ERC2: variants seen among roughly 807,000 people sequenced by gnomAD.
The protein encoded by ERC2 is ELKS/RAB6-interacting/CAST family member 2.
In ERC2, 42 loss-of-function variants were observed where a neutral mutation model predicts 114.8. That is an observed-to-expected ratio of 0.37 (90% CI 0.29 to 0.47). The LOEUF is 0.47. Among genes scored for constraint, ERC2 ranks in the 20% least tolerant of loss-of-function variants. The pLI, the probability that ERC2 is intolerant of heterozygous loss-of-function variation, is 0.99. For missense variants in ERC2, 939 were observed against 1,150.7 expected (o/e 0.82, Z 2.66); for synonymous variants, 454 against 425.5 (o/e 1.07, Z -0.82).
intron 17 of ERC2, among the ~76,000 whole-genome samples, chr3:55,564,606 C>G (rs2056245210): frequency 1.3e-5 from 2 of 152,220 alleles, no homozygotes; most frequent in African/African-American, 4.8e-5. Context: ...CAGATGGACA[C>G]ACAGCTATTA....
intron 1 of ERC2, among the ~76,000 whole-genome samples, chr3:56,439,882 C>A (rs990464542): frequency 2.0e-5 from 3 of 151,840 alleles, no homozygotes; most frequent in African/African-American, 4.8e-5. Flanking sequence ...TTTGTAAATA[C>A]CTTGCTGTTT....
At chr3:56,088,422 T>C (rs1457099793) in intron 6 of ERC2, among the ~76,000 whole-genome samples, 1 of 152,076 alleles carries the variant, frequency 6.6e-6, no homozygotes, top group Admixed American at 6.6e-5. Flanking sequence ...TTTCTATATA[T>C]AGGACCTTCA....
chr3:55,600,764 C>T (rs1370863212), intron 17 of ERC2, among the ~76,000 whole-genome samples: 2 of 152,192 alleles, frequency 1.3e-5, no homozygotes, highest in African/African-American at 2.4e-5. Context: ...CAGTGCAGGC[C>T]TTTGGAAGTT....
intron 2 of ERC2, among the ~76,000 whole-genome samples, chr3:56,422,156 G>C (rs1194869902): frequency 6.6e-6 from 1 of 152,096 alleles, no homozygotes; most frequent in South Asian, 2.1e-4. Flanking sequence ...AGGCCAGCGA[G>C]GTACTCTGAA....
chr3:56,276,798 A>C (rs1027160734), intron 3 of ERC2, among the ~76,000 whole-genome samples: 1 of 152,146 alleles, frequency 6.6e-6, no homozygotes, highest in Non-Finnish European at 1.5e-5. Context: ...GCCACACATA[A>C]AACATATTAA....
intron 17 of ERC2, among the ~76,000 whole-genome samples, chr3:55,675,934 T>TTTTTTTTTTTTTTTTTA (rs2061785530): frequency 9.0e-6 from 1 of 111,608 alleles, no homozygotes; most frequent in Non-Finnish European, 1.8e-5. Flanking sequence ...TTTTTTTTTT[T>TTTTTTTTTTTTTTTTTA]TTTGAGAGAG....
At chr3:56,448,579 A>C (rs1209752202) in intron 1 of ERC2, among the ~76,000 whole-genome samples, 1 of 152,164 alleles carries the variant, frequency 6.6e-6, no homozygotes, top group Non-Finnish European at 1.5e-5. Context: ...ACTCTGCAGC[A>C]TGCAAGCTAG....
At chr3:55,638,714 T>C (rs1217223629) in intron 17 of ERC2, among the ~76,000 whole-genome samples, 5 of 152,206 alleles carry the variant, frequency 3.3e-5, no homozygotes, top group Non-Finnish European at 7.3e-5. Context: ...TTTTATGTTG[T>C]TGGCTGGTTA....
At chr3:55,780,109 T>A (rs1394779476) in intron 14 of ERC2, among the ~76,000 whole-genome samples, 1 of 152,146 alleles carries the variant, frequency 6.6e-6, no homozygotes, top group African/African-American at 2.4e-5. Context: ...AACATTCCCA[T>A]GAAATCCAGA....
intron 3 of ERC2, among the ~76,000 whole-genome samples, chr3:56,255,128 C>A (rs1342441275): frequency 1.3e-5 from 2 of 152,224 alleles, no homozygotes; most frequent in Non-Finnish European, 2.9e-5. Context: ...TTTGTTCACA[C>A]CTGTCCCTGA....
At chr3:55,784,621 CCTTT>C (rs1216780711) in intron 14 of ERC2, among the ~76,000 whole-genome samples, 2 of 152,164 alleles carry the variant, frequency 1.3e-5, no homozygotes, top group Non-Finnish European at 2.9e-5. Context: ...CTTTCTTCTT[CCTTT>C]ATGTTTTGTC....
chr3:55,954,081 T>TTAAAAAAA (rs1390720369), intron 12 of ERC2, among the ~76,000 whole-genome samples: 6 of 50,360 alleles, frequency 1.2e-4, no homozygotes, highest in African/African-American at 5.1e-4. Flanking sequence ...CTCCATTATT[T>TTAAAAAAA]AAAAAAAAAA....
At chr3:55,605,141 G>A (rs941258723) in intron 17 of ERC2, among the ~76,000 whole-genome samples, 8 of 151,540 alleles carry the variant, frequency 5.3e-5, no homozygotes, top group South Asian at 4.2e-4. Context: ...TTTTTGAGAC[G>A]GTCTCACTCT....
intron 14 of ERC2, among the ~76,000 whole-genome samples, chr3:55,781,798 GGATGTGGAGGTT>G (rs1179549163): frequency 1.3e-5 from 2 of 151,282 alleles, no homozygotes; most frequent in Non-Finnish European, 2.9e-5. Context: ...ATTGAACCCA[GGATGTGGAGGTT>G]GCAGTGAGCC....
intron 3 of ERC2, among the ~76,000 whole-genome samples, chr3:56,256,506 A>G (rs1299809030): frequency 1.3e-5 from 2 of 152,010 alleles, no homozygotes; most frequent in Admixed American, 1.3e-4. Flanking sequence ...AAACTTCATA[A>G]TTTATCTTTT....
At chr3:55,869,734 C>T (rs142061007) in intron 14 of ERC2, among the ~76,000 whole-genome samples, 77 of 152,246 alleles carry the variant, frequency 5.1e-4, no homozygotes, top group African/African-American at 1.8e-3. Flanking sequence ...AGAGTGTGAG[C>T]TCGACTAGGC....
At chr3:55,838,577 C>T (rs1224229305) in intron 14 of ERC2, among the ~76,000 whole-genome samples, 1 of 151,696 alleles carries the variant, frequency 6.6e-6, no homozygotes, top group Non-Finnish European at 1.5e-5. Flanking sequence ...ATTAATAGCA[C>T]TAAATGTTTT....
At chr3:56,164,356 T>G (rs191322578) in intron 4 of ERC2, among the ~76,000 whole-genome samples, 1 of 152,182 alleles carries the variant, frequency 6.6e-6, no homozygotes, top group East Asian at 1.9e-4. Flanking sequence ...TATGTGGCCT[T>G]TTCTGACTGA....
intron 3 of ERC2, among the ~76,000 whole-genome samples, chr3:56,229,181 G>A (rs2150171342): frequency 6.6e-6 from 1 of 152,266 alleles, no homozygotes; most frequent in South Asian, 2.1e-4. Flanking sequence ...AAAAGGCCTT[G>A]CCTTTTAAGG....
Sources: gnomAD v4.1 joint callset for allele counts (sites outside exome capture counted in the v4.1 genomes callset) on GRCh38, gnomAD v4.1.1 for gene constraint, MANE v1.5 for transcripts, NCBI Gene and HGNC (gene_info 2026-07-23, HGNC 2026-07-21) for gene names.